The following AOAH variants were observed in gnomAD, a reference collection of about 807,000 sequenced individuals.
The protein encoded by AOAH is acyloxyacyl hydrolase.
A neutral mutation model predicts 92.2 loss-of-function variants in AOAH; 64 were observed. The ratio of observed to expected loss-of-function variants is 0.69; its 90% confidence interval spans 0.57 to 0.86. AOAH has a LOEUF of 0.86. AOAH is among the 40% of genes least tolerant of loss of function. AOAH has a pLI of 0.00. For missense variants in AOAH, 656 were observed against 694.6 expected (o/e 0.94, Z 0.62); for synonymous variants, 263 against 254.5 (o/e 1.03, Z -0.32).
intron 16 of AOAH, among the ~76,000 whole-genome samples, chr7:36,533,508 A>C (rs993015124): frequency 6.6e-6 from 1 of 152,014 alleles, no homozygotes. Flanking sequence ...AGTCACAGTG[A>C]CCCGCCAGGT....
At chr7:36,529,693 G>C (rs925478986) in intron 19 of AOAH, among the ~76,000 whole-genome samples, 2 of 152,028 alleles carry the variant, frequency 1.3e-5, no homozygotes, top group African/African-American at 4.8e-5. Context: ...AGTCAACAGG[G>C]GGCTTTGCTC....
At chr7:36,721,129 T>G (rs1799608933) in intron 1 of AOAH, among the ~76,000 whole-genome samples, 2 of 152,150 alleles carry the variant, frequency 1.3e-5, no homozygotes, top group Admixed American at 6.6e-5. Context: ...GCCATTGGTC[T>G]GAAGGATTAT....
chr7:36,710,900 A>AGTT (rs10623795), intron 1 of AOAH, among the ~76,000 whole-genome samples: 90,846 of 151,706 alleles, frequency 0.6, 27,629 homozygotes, highest in East Asian at 0.83. Flanking sequence ...TACCAAGCAC[A>AGTT]GTTCTAAGTG....
At position 36,513,342 on chromosome 7, in the gene AOAH, C is replaced by T; in HGVS notation, c.1638G>A (p.Lys546=). The T allele has an allele frequency of 6.2e-7, 1 of 1,614,072 alleles. No homozygotes were observed. The part of the protein sequence containing the change: ...LLLLADHFWK[K]VQLQWPQILG... ...GGATTTGGGGCCACTGGAGCTGCACCTTTTTCCAGAAATGATCCGCCAACA... is the reference window on the plus strand; with the variant it reads ...GGATTTGGGGCCACTGGAGCTGCACTTTTTTCCAGAAATGATCCGCCAACA... The change falls in exon 21 of 21, where the codon AAG becomes AAA. Residue 546 remains lysine, a synonymous_variant. Transcript: ENST00000617537.
chr7:36,631,969 GA>G, intron 6 of AOAH, 66 bp downstream of exon 6: 1 of 1,299,088 alleles, frequency 7.7e-7, no homozygotes, highest in Non-Finnish European at 1.1e-6. Context: ...TTGGTCATTA[GA>G]AAAGGGGGAC....
chr7:36,533,693 GTGTGTGTT>G (rs1022186918), intron 16 of AOAH, among the ~76,000 whole-genome samples: 8 of 151,318 alleles, frequency 5.3e-5, no homozygotes, highest in Admixed American at 1.3e-4. Context: ...GTGTGTGTGT[GTGTGTGTT>G]TGTGTGTGTG....
At chr7:36,527,268 A>T (rs1019137761) in intron 19 of AOAH, among the ~76,000 whole-genome samples, 2 of 152,180 alleles carry the variant, frequency 1.3e-5, no homozygotes, top group Non-Finnish European at 2.9e-5. Flanking sequence ...CCTTAACTGC[A>T]ATTTGCTCTG....
intron 4 of AOAH, among the ~76,000 whole-genome samples, chr7:36,651,711 T>C (rs1277303004): frequency 6.6e-6 from 1 of 152,208 alleles, no homozygotes; most frequent in Non-Finnish European, 1.5e-5. Flanking sequence ...GCTGGAGGTC[T>C]AAAGTCCAGG....
intron 16 of AOAH, among the ~76,000 whole-genome samples, chr7:36,534,178 G>A (rs1280815939): frequency 6.6e-6 from 1 of 152,004 alleles, no homozygotes; most frequent in Non-Finnish European, 1.5e-5. Context: ...GCTCCTCCTT[G>A]GGGATGAAGG....
rs572186615 is a variant in AOAH, at chr7:36,569,519, A to G, written c.1021+7055T>C. 4.2e-3 allele frequency among the ~76,000 whole-genome samples: 623 copies of G among 148,622 alleles called. 5 individuals are homozygous for G. Among genetic ancestry groups the G allele is most frequent in the African/African-American group, 0.015 (594 of 40,426 alleles). On this transcript the variant is annotated intron_variant, in intron 13 of 20. Coordinates refer to ENST00000617537, the MANE Select transcript of AOAH (RefSeq NM_001637.4). ...TATCTATCTATCTATCTATCTGTCT[A>G]TCTTTCTACCAGATTTACATATATA...
chr7:36,720,253 G>A (rs1562730971), intron 1 of AOAH, among the ~76,000 whole-genome samples: 3 of 151,996 alleles, frequency 2.0e-5, no homozygotes, highest in Admixed American at 1.3e-4. Context: ...GGGTTCAAGC[G>A]ATTCTTCTGC....
intron 19 of AOAH, among the ~76,000 whole-genome samples, chr7:36,523,519 T>G (rs181905010): frequency 6.6e-5 from 10 of 152,334 alleles, no homozygotes; most frequent in African/African-American, 2.4e-4. Context: ...CAAGCCAGCA[T>G]GCAGCTTTCA....
intron 1 of AOAH, among the ~76,000 whole-genome samples, chr7:36,687,902 A>G (rs1584118960): frequency 6.6e-6 from 1 of 151,974 alleles, no homozygotes; most frequent in Middle Eastern, 3.4e-3. Context: ...AAAATCTTCT[A>G]TAAAATGAGA....
intron 11 of AOAH, among the ~76,000 whole-genome samples, chr7:36,612,888 C>T (rs545016255): frequency 7.9e-5 from 12 of 152,200 alleles, no homozygotes; most frequent in South Asian, 4.1e-4. Flanking sequence ...CTTATTGCTA[C>T]GTAGAAACTC....
chr7:36,690,153 G>A (rs573855476), intron 1 of AOAH: 168 of 454,748 alleles, frequency 3.7e-4, no homozygotes, highest in African/African-American at 3.2e-3. Flanking sequence ...GGACTCTTAT[G>A]ACAGTTGTGG....
chr7:36,687,550 T>TC (rs397934939), intron 1 of AOAH, among the ~76,000 whole-genome samples: 7 of 151,970 alleles, frequency 4.6e-5, no homozygotes, highest in Non-Finnish European at 8.8e-5. Flanking sequence ...TTTTTTTTTT[T>TC]CCAAAGAAAA....
chr7:36,654,656 T>G (rs867703070), intron 4 of AOAH, among the ~76,000 whole-genome samples: 3 of 152,158 alleles, frequency 2.0e-5, no homozygotes, highest in Non-Finnish European at 2.9e-5. Context: ...GGGAGACTGC[T>G]TGCGTCACAT....
chr7:36,583,432 T>C (rs935270787), intron 12 of AOAH, among the ~76,000 whole-genome samples: 1 of 152,148 alleles, frequency 6.6e-6, no homozygotes, highest in African/African-American at 2.4e-5. Flanking sequence ...AAGATTCCTT[T>C]CAGTCCTTTG....
intron 13 of AOAH, among the ~76,000 whole-genome samples, chr7:36,576,226 C>T (rs761597034): frequency 3.3e-5 from 5 of 152,198 alleles, no homozygotes; most frequent in Non-Finnish European, 5.9e-5. Context: ...AGAGCTTTTG[C>T]GATGACCTTA....
Sources: allele counts gnomAD v4.1 joint callset (sites outside exome capture counted in the v4.1 genomes callset), GRCh38; gene constraint gnomAD v4.1.1; transcripts MANE v1.5; gene names NCBI Gene and HGNC (gene_info 2026-07-23, HGNC 2026-07-21).